Variants in ARB2A observed in about 807,000 individuals in gnomAD.
ARB2A encodes the protein ARB2 cotranscriptional regulator A, also known as cotranscriptional regulator ARB2A.
At chr5:93,668,912 C>G in the ARB2A span, among the ~76,000 whole-genome samples, 1 of 152,142 alleles carries the variant, frequency 6.6e-6, no homozygotes, top group Non-Finnish European at 1.5e-5. Flanking sequence ...CCAGGTCTGT[C>G]GATCTGCCAT....
At chr5:93,934,507 C>T in the ARB2A span, among the ~76,000 whole-genome samples, 1 of 152,174 alleles carries the variant, frequency 6.6e-6, no homozygotes, top group South Asian at 2.1e-4. Flanking sequence ...CAGTGTACAT[C>T]CTAAGTGGTC....
the ARB2A span, among the ~76,000 whole-genome samples, chr5:94,054,366 T>C: frequency 2.6e-5 from 4 of 152,190 alleles, no homozygotes; most frequent in African/African-American, 9.6e-5. Flanking sequence ...CAATCTTCCC[T>C]TCTTTTCCAT....
chr5:94,014,564 C>T, the ARB2A span, among the ~76,000 whole-genome samples: 3 of 152,034 alleles, frequency 2.0e-5, no homozygotes, highest in Non-Finnish European at 4.4e-5. Context: ...TAGTGTCTGA[C>T]CCTAATGAGA....
At chr5:93,949,322 G>A in the ARB2A span, among the ~76,000 whole-genome samples, 2 of 151,872 alleles carry the variant, frequency 1.3e-5, no homozygotes, top group Non-Finnish European at 2.9e-5. Flanking sequence ...CAGCACTTTG[G>A]GAGGCCGAGA....
At chr5:93,944,113 T>G in the ARB2A span, among the ~76,000 whole-genome samples, 1 of 152,192 alleles carries the variant, frequency 6.6e-6, no homozygotes, top group African/African-American at 2.4e-5. Flanking sequence ...GGAGGTCATC[T>G]TTGAGGTTTA....
the ARB2A span, among the ~76,000 whole-genome samples, chr5:93,962,136 A>T: frequency 1.3e-5 from 2 of 152,210 alleles, no homozygotes; most frequent in Admixed American, 6.5e-5. Context: ...TTCATTAAGG[A>T]ATACACATAA....
At chr5:94,022,865 A>G in the ARB2A span, among the ~76,000 whole-genome samples, 2 of 152,214 alleles carry the variant, frequency 1.3e-5, no homozygotes, top group Admixed American at 6.5e-5. Flanking sequence ...CTCAGTCAAC[A>G]CAAATCAGAC....
chr5:93,644,181 T>C, the ARB2A span, among the ~76,000 whole-genome samples: 1 of 152,178 alleles, frequency 6.6e-6, no homozygotes. Context: ...TGAGTCCAGA[T>C]CCCAGGCTCT....
chr5:93,775,306 GA>G, the ARB2A span, among the ~76,000 whole-genome samples: 2 of 152,162 alleles, frequency 1.3e-5, no homozygotes, highest in East Asian at 3.8e-4. Context: ...TATCACTTGT[GA>G]TTGTTAACAT....
the ARB2A span, among the ~76,000 whole-genome samples, chr5:93,853,060 T>C: frequency 6.6e-6 from 1 of 152,158 alleles, no homozygotes; most frequent in Admixed American, 6.5e-5. Context: ...TATGGCCATT[T>C]TCATGATATT....
At chr5:93,763,790 A>C in the ARB2A span, among the ~76,000 whole-genome samples, 1 of 152,186 alleles carries the variant, frequency 6.6e-6, no homozygotes, top group African/African-American at 2.4e-5. Flanking sequence ...TTCACCACAC[A>C]GTTGGAAGTA....
chr5:94,068,679 T>C, the ARB2A span, among the ~76,000 whole-genome samples: 1 of 151,912 alleles, frequency 6.6e-6, no homozygotes. Flanking sequence ...ACCTGATTGG[T>C]CGGGTGTGAG....
the ARB2A span, among the ~76,000 whole-genome samples, chr5:93,879,189 T>C: frequency 6.6e-6 from 1 of 151,954 alleles, no homozygotes; most frequent in African/African-American, 2.4e-5. Context: ...TCAAAATTAC[T>C]AAGGAATTAA....
chr5:93,684,263 G>A, the ARB2A span, among the ~76,000 whole-genome samples: 1 of 152,182 alleles, frequency 6.6e-6, no homozygotes, highest in African/African-American at 2.4e-5. Flanking sequence ...CAGTGTTTGA[G>A]TCAGGCTGCA....
the ARB2A span, among the ~76,000 whole-genome samples, chr5:93,836,104 T>C: frequency 2.0e-5 from 3 of 152,212 alleles, no homozygotes; most frequent in African/African-American, 7.2e-5. Flanking sequence ...CTCTGCTGAC[T>C]GCAAACTCCG....
chr5:93,761,706 T>G, the ARB2A span, among the ~76,000 whole-genome samples: 1 of 151,932 alleles, frequency 6.6e-6, no homozygotes, highest in Non-Finnish European at 1.5e-5. Flanking sequence ...TCGAAGAGAG[T>G]AGTGGTTCTC....
the ARB2A span, among the ~76,000 whole-genome samples, chr5:93,817,626 T>C: frequency 6.6e-6 from 1 of 152,158 alleles, no homozygotes; most frequent in Non-Finnish European, 1.5e-5. Context: ...AAGACAGGCA[T>C]ATATATGGAA....
At chr5:93,631,133 C>T in the ARB2A span, among the ~76,000 whole-genome samples, 1 of 152,082 alleles carries the variant, frequency 6.6e-6, no homozygotes, top group Non-Finnish European at 1.5e-5. Flanking sequence ...GATCCACCCA[C>T]CTCAACCTCC....
At chr5:94,067,186 T>C in the ARB2A span, among the ~76,000 whole-genome samples, 1 of 152,148 alleles carries the variant, frequency 6.6e-6, no homozygotes, top group Non-Finnish European at 1.5e-5. Context: ...TGAAAAAATA[T>C]ATCTCAACAT....
Sources: allele counts gnomAD v4.1 joint callset (sites outside exome capture counted in the v4.1 genomes callset), GRCh38; gene constraint gnomAD v4.1.1; transcripts MANE v1.5; gene names NCBI Gene and HGNC (gene_info 2026-07-23, HGNC 2026-07-21).